The following KYNU variants were observed in gnomAD, a reference collection of about 807,000 sequenced individuals.
KYNU encodes the protein kynureninase, also known as L-kynurenine hydrolase.
In KYNU, 54 loss-of-function variants were observed where a neutral mutation model predicts 59.2. The ratio of observed to expected loss-of-function variants is 0.91; its 90% CI spans 0.73 to 1.14. KYNU has a LOEUF of 1.14. Among genes scored for constraint, KYNU ranks in the 50% most tolerant of loss-of-function variants. The probability of loss-of-function intolerance (pLI) is 0.00; values close to 1 mark genes in which losing one functional copy is unlikely to be tolerated. For missense variants in KYNU, 567 were observed against 554.4 expected (o/e 1.02, Z -0.23); for synonymous variants, 177 against 192.0 (o/e 0.92, Z 0.65).
intron 10 of KYNU, among the ~76,000 whole-genome samples, chr2:143,022,235 A>G (rs528256392): frequency 1.3e-5 from 2 of 152,238 alleles, no homozygotes; most frequent in Admixed American, 6.5e-5. Context: ...TAGATTTTTT[A>G]AAACTTAAGA....
At chr2:142,990,362 A>T (rs1296485510) in intron 10 of KYNU, among the ~76,000 whole-genome samples, 1 of 151,924 alleles carries the variant, frequency 6.6e-6, no homozygotes, top group Non-Finnish European at 1.5e-5. Flanking sequence ...TTTTAAAAAA[A>T]GTTACAAATG....
chr2:143,012,490 C>CA (rs1255670962), intron 10 of KYNU, among the ~76,000 whole-genome samples: 2,851 of 79,904 alleles, frequency 0.036, 68 homozygotes, highest in African/African-American at 0.087. Context: ...CTCCAAAAAA[C>CA]AAAAAAAAAA....
rs1330621316 is a variant in KYNU at position 143,043,587 on chromosome 2, A to G, written c.*1415A>G. ...CTTACCATGTACCATGTATTGTGCT[A>G]CATTACTCATGTTATCTCCCTTAAT... On this transcript the variant is annotated 3_prime_UTR_variant, in exon 14 of 14. Transcript: ENST00000264170. The G allele has an allele frequency of 4.0e-5, 6 of 151,698 alleles. No homozygotes were observed. The highest frequency in any genetic ancestry group is 1.5e-4 in the African/African-American group (6 of 41,360). The allele number at this position is 151,698 out of a possible 1,614,324, so 9.4% of individuals were successfully genotyped here.
At chr2:143,021,318 TTTTAGAGA>T (rs1686401041) in intron 10 of KYNU, among the ~76,000 whole-genome samples, 1 of 152,188 alleles carries the variant, frequency 6.6e-6, no homozygotes, top group African/African-American at 2.4e-5. Flanking sequence ...ATATATTGTT[TTTTAGAGA>T]TTTCTTAATA....
At chr2:142,947,693 G>A (rs938161885) in intron 4 of KYNU, 6 of 155,796 alleles carry the variant, frequency 3.9e-5, no homozygotes, top group African/African-American at 1.4e-4. Flanking sequence ...CCTTCCCCTA[G>A]TAATATACTC....
intron 10 of KYNU, among the ~76,000 whole-genome samples, chr2:142,997,724 G>A (rs1377381287): frequency 6.6e-6 from 1 of 152,072 alleles, no homozygotes; most frequent in Non-Finnish European, 1.5e-5. Context: ...TTTAACATAA[G>A]CTAAGAAACA....
chr2:142,963,111 CAT>C (rs1684404152), intron 8 of KYNU, among the ~76,000 whole-genome samples: 1 of 151,980 alleles, frequency 6.6e-6, no homozygotes, highest in African/African-American at 2.4e-5. Flanking sequence ...TCTTCATAGT[CAT>C]GTGATAAGGA....
chr2:142,991,042 T>C (rs1385932806), intron 10 of KYNU, among the ~76,000 whole-genome samples: 1 of 151,838 alleles, frequency 6.6e-6, no homozygotes, highest in Admixed American at 6.6e-5. Flanking sequence ...CCAGAAAGAA[T>C]AAAAATAAAC....
intron 3 of KYNU, among the ~76,000 whole-genome samples, chr2:142,924,839 A>T (rs1276387491): frequency 1.3e-5 from 2 of 152,186 alleles, no homozygotes; most frequent in Non-Finnish European, 2.9e-5. Context: ...CGGCACTTTA[A>T]TCTACATCAA....
chr2:143,034,758 T>A (rs1421688858), intron 12 of KYNU, among the ~76,000 whole-genome samples: 1 of 152,226 alleles, frequency 6.6e-6, no homozygotes, highest in Non-Finnish European at 1.5e-5. Flanking sequence ...ATATTTTGTT[T>A]AAACATTTTA....
At position 143,048,492 on chromosome 2, in the gene KYNU, C is replaced by G. The variant is rs1033221047; in HGVS notation, c.*6320C>G. 2 of 152,066 alleles carry G rather than the reference C, an allele frequency of 1.3e-5. No individual in the cohort carries two copies. The allele number at this position is 152,066 out of a possible 1,614,324, so 9.4% of individuals were successfully genotyped here. A position where few individuals can be genotyped will look rare whatever the true frequency, so the allele number is the denominator to read the frequency against. ...TCTCTCTCTCTCTGTCTCTCTCTCT[C>G]TCACTAATGTTTGCTATTTCTCCCT... On this transcript the variant is annotated 3_prime_UTR_variant, in exon 14 of 14. Coordinates refer to ENST00000264170, the MANE Select transcript of KYNU (RefSeq NM_003937.3).
rs919880009 is a variant in KYNU, at chr2:142,962,000, C to T, written c.729+1230C>T. On this transcript the variant is annotated intron_variant, in intron 8 of 13. Transcript: ENST00000264170. Reference sequence around the variant, plus strand: ...AGCAGTCTCTAGGAATTTCTAACAACGACTTCCAACTGCTTTGACGGATAA... The same window carrying T: ...AGCAGTCTCTAGGAATTTCTAACAATGACTTCCAACTGCTTTGACGGATAA... Among the ~76,000 whole-genome samples the T allele has an allele frequency of 5.9e-5, 9 of 152,232 alleles. No individual in the cohort carries two copies. The East Asian group carries it at 1.3e-3, about 23-fold the overall frequency.
chr2:143,010,646 A>G (rs931665084), intron 10 of KYNU, among the ~76,000 whole-genome samples: 10 of 147,018 alleles, frequency 6.8e-5, no homozygotes, highest in African/African-American at 2.5e-4. Context: ...GCATCACACT[A>G]CCTGACTTCA....
chr2:142,963,402 G>A (rs189743472), intron 8 of KYNU, among the ~76,000 whole-genome samples: 10 of 152,244 alleles, frequency 6.6e-5, no homozygotes, highest in African/African-American at 2.4e-4. Context: ...TCACAGTTCT[G>A]GAGGCTGGGA....
intron 4 of KYNU, among the ~76,000 whole-genome samples, chr2:142,931,384 T>TC (rs1683213079): frequency 6.6e-6 from 1 of 152,194 alleles, no homozygotes; most frequent in Non-Finnish European, 1.5e-5. Context: ...CGGGTTGGTA[T>TC]CCACATTGTC....
chr2:142,963,761 T>A (rs564879957), intron 8 of KYNU, among the ~76,000 whole-genome samples: 1 of 152,344 alleles, frequency 6.6e-6, no homozygotes, highest in Admixed American at 6.5e-5. Flanking sequence ...GAACTTTATA[T>A]AAATGCATTA....
chr2:142,912,358 A>T (rs1267689492), intron 2 of KYNU, among the ~76,000 whole-genome samples: 4 of 138,924 alleles, frequency 2.9e-5, no homozygotes, highest in African/African-American at 1.1e-4. Context: ...GTCTCTAAGG[A>T]TCTTTTGTAT....
At chr2:143,033,597 A>G (rs1558985526) in intron 12 of KYNU, among the ~76,000 whole-genome samples, 1 of 152,212 alleles carries the variant, frequency 6.6e-6, no homozygotes, top group East Asian at 1.9e-4. Context: ...TTTTTACTCC[A>G]CTTAGAATCT....
chr2:142,965,341 T>G (rs917690518), intron 8 of KYNU, among the ~76,000 whole-genome samples: 1 of 152,218 alleles, frequency 6.6e-6, no homozygotes, highest in African/African-American at 2.4e-5. Flanking sequence ...TCTGTCTTTC[T>G]TTTAATATTT....
Sources: allele counts gnomAD v4.1 joint callset (sites outside exome capture counted in the v4.1 genomes callset), GRCh38; gene constraint gnomAD v4.1.1; transcripts MANE v1.5; gene names NCBI Gene and HGNC (gene_info 2026-07-23, HGNC 2026-07-21).